The following STRN variants were observed in gnomAD, a reference collection of about 807,000 sequenced individuals.
STRN encodes protein phosphatase 2 regulatory subunit B'''alpha.
Under a neutral mutation model 96.3 loss-of-function variants are expected in STRN, and 53 were observed. That is an observed-to-expected ratio of 0.55 (90% CI 0.44 to 0.69). STRN has a LOEUF of 0.69. Among genes scored for constraint, STRN ranks in the 30% least tolerant of loss-of-function variants. STRN has a pLI of 0.00. For missense variants in STRN, 987 were observed against 963.9 expected, an observed-to-expected ratio of 1.02 and a Z score of -0.32; for synonymous variants, 428 against 355.9, an observed-to-expected ratio of 1.20 and a Z score of -2.28.
At chr2:36,886,177 T>C (rs1669221615) in intron 8 of STRN, among the ~76,000 whole-genome samples, 1 of 152,158 alleles carries the variant, frequency 6.6e-6, no homozygotes, top group South Asian at 2.1e-4. Context: ...AATGTTTAAA[T>C]AGAAAATAAA....
chr2:36,893,948 G>A lies in STRN; in HGVS notation c.881C>T (p.Ser294Leu). 6.2e-7 allele frequency: 1 copy of A among 1,613,512 alleles called. No homozygotes were observed. The highest frequency in any genetic ancestry group is 8.5e-7 in the Non-Finnish European group (1 of 1,179,808). ...TCTAGATTCATTGTCTCCTTCCTCT[G>A]ATGTAACCAAGAAGTCAAACTCCTT... ...ALKEFDFLVT[S>L]EEGDNESRSA... Residue 294 changes from serine (S) to leucine (L), a missense_variant, in exon 7 of 18, where the codon TCA becomes TTA. By Grantham distance (145) the Ser-to-Leu change is moderately radical. Transcript: ENST00000263918.
chr2:36,911,209 A>C (rs1203996607), intron 3 of STRN, among the ~76,000 whole-genome samples: 1 of 152,188 alleles, frequency 6.6e-6, no homozygotes, highest in Non-Finnish European at 1.5e-5. Context: ...ATCAATATGC[A>C]TGTAGGAGAT....
intron 1 of STRN, among the ~76,000 whole-genome samples, chr2:36,935,431 T>G (rs1354747682): frequency 6.6e-6 from 1 of 152,226 alleles, no homozygotes; most frequent in African/African-American, 2.4e-5. Context: ...ATGTATCACG[T>G]ACTCTACCAA....
At chr2:36,933,798 T>C (rs1484868116) in intron 1 of STRN, among the ~76,000 whole-genome samples, 1 of 152,076 alleles carries the variant, frequency 6.6e-6, no homozygotes, top group Non-Finnish European at 1.5e-5. Flanking sequence ...TAAAAGGCGA[T>C]GACTCTAAAC....
chr2:36,880,023 G>A (rs1054774275), intron 9 of STRN, among the ~76,000 whole-genome samples: 34 of 151,792 alleles, frequency 2.2e-4, no homozygotes, highest in African/African-American at 6.8e-4. Flanking sequence ...CTGGAGTGCA[G>A]TGGTGTGATC....
chr2:36,900,724 C>G (rs1461355762), intron 5 of STRN, among the ~76,000 whole-genome samples: 1 of 152,024 alleles, frequency 6.6e-6, no homozygotes, highest in Non-Finnish European at 1.5e-5. Context: ...GAAACTCCAT[C>G]TCTACTAAAA....
intron 4 of STRN, among the ~76,000 whole-genome samples, chr2:36,904,419 G>A (rs1430808791): frequency 2.0e-5 from 3 of 152,130 alleles, no homozygotes; most frequent in Non-Finnish European, 4.4e-5. Flanking sequence ...GAGTTTCAAA[G>A]GTGGTATTCA....
rs1044074504 is a variant in STRN, at chr2:36,877,751, G to C, written c.1323+140C>G. 101 of 862,394 alleles carry C rather than the reference G, an allele frequency of 1.2e-4. 1 individual carries two copies. The highest frequency in any genetic ancestry group is 1.6e-4 in the Non-Finnish European group (93 of 584,354). 53.4% of individuals were successfully genotyped at this position (862,394 alleles called of 1,614,324 possible). ...GCGTTTCTCAATGTTGGCCAGGCTGGTTTTGAACTCCTGACCTCAAGTGAT... is the reference window on the plus strand; with the variant it reads ...GCGTTTCTCAATGTTGGCCAGGCTGCTTTTGAACTCCTGACCTCAAGTGAT... On this transcript the variant is annotated intron_variant, in intron 10 of 17. Transcript: ENST00000263918.
intron 10 of STRN, among the ~76,000 whole-genome samples, chr2:36,875,965 T>C (rs1024676410): frequency 7.2e-6 from 1 of 138,232 alleles, no homozygotes; most frequent in Admixed American, 6.9e-5. Flanking sequence ...TTACAAATGA[T>C]TTTTTTTAAA....
At chr2:36,897,164 T>A (rs1315155397) in intron 6 of STRN, among the ~76,000 whole-genome samples, 1 of 150,674 alleles carries the variant, frequency 6.6e-6, no homozygotes, top group Non-Finnish European at 1.5e-5. Flanking sequence ...TGAAACTCCG[T>A]CTCAAAAAAA....
chr2:36,890,477 C>CTTTT (rs1163881782), intron 7 of STRN, among the ~76,000 whole-genome samples: 50 of 104,622 alleles, frequency 4.8e-4, no homozygotes, highest in African/African-American at 7.6e-4. Context: ...CACCAGAAAA[C>CTTTT]TTTTTTTTTT....
intron 1 of STRN, among the ~76,000 whole-genome samples, chr2:36,957,757 T>TG (rs1468205007): frequency 4.5e-5 from 5 of 111,816 alleles, no homozygotes; most frequent in African/African-American, 1.7e-4. Context: ...TTTTTTTTTT[T>TG]TTTTTTTTTT....
At chr2:36,892,544 G>C (rs923961471) in intron 7 of STRN, among the ~76,000 whole-genome samples, 1 of 152,086 alleles carries the variant, frequency 6.6e-6, no homozygotes, top group African/African-American at 2.4e-5. Context: ...ATAACAATTA[G>C]CTGCAAATTA....
intron 3 of STRN, among the ~76,000 whole-genome samples, chr2:36,909,157 C>CAAAA (rs78134786): frequency 1.3e-5 from 1 of 74,104 alleles, no homozygotes; most frequent in Non-Finnish European, 2.9e-5. Context: ...GACTTCATCT[C>CAAAA]AAAAAAAAAA....
At chr2:36,893,347 G>C in intron 7 of STRN, among the ~76,000 whole-genome samples, 1 of 151,890 alleles carries the variant, frequency 6.6e-6, no homozygotes. Context: ...ATTTTTACAG[G>C]AAAAATTAAA....
At position 36,954,522 on chromosome 2, in the gene STRN, A is replaced by G. The variant is rs866903938; in HGVS notation, c.234+11708T>C. On this transcript the variant is annotated intron_variant, in intron 1 of 17. Coordinates refer to ENST00000263918, the MANE Select transcript of STRN (RefSeq NM_003162.4). ...GTAAAGCCCTGTCTCAAACAGGGGA[A>G]AAAAAAAAAAAAAAAGAGCTCCAAA... 6.1e-3 allele frequency among the ~76,000 whole-genome samples: 867 copies of G among 142,282 alleles called. 4 individuals carry two copies. The highest frequency in any genetic ancestry group is 0.018 in the South Asian group (84 of 4,598). The allele number at this position is 142,282 out of a possible 152,430, so 93.3% of individuals were successfully genotyped here. A position where few individuals can be genotyped will look rare whatever the true frequency, so the allele number is the denominator to read the frequency against.
chr2:36,917,701 G>A (rs1367307572), intron 2 of STRN, among the ~76,000 whole-genome samples: 1 of 152,066 alleles, frequency 6.6e-6, no homozygotes. Context: ...GAAAACCTAT[G>A]AAAATTATAG....
intron 1 of STRN, among the ~76,000 whole-genome samples, 167 bp from the exon 2 acceptor site, chr2:36,925,375 A>G (rs757592693): frequency 1.8e-4 from 27 of 152,184 alleles, no homozygotes; most frequent in Non-Finnish European, 3.4e-4. Context: ...TGCAAGGGGG[A>G]AAAAGGATTT....
intron 2 of STRN, among the ~76,000 whole-genome samples, chr2:36,924,585 C>T (rs1670361107): frequency 6.6e-6 from 1 of 151,992 alleles, no homozygotes; most frequent in South Asian, 2.1e-4. Flanking sequence ...AAAAATGTTG[C>T]TAATTTTTAA....
Sources: allele counts gnomAD v4.1 joint callset (sites outside exome capture counted in the v4.1 genomes callset), GRCh38; gene constraint gnomAD v4.1.1; transcripts MANE v1.5; gene names NCBI Gene and HGNC (gene_info 2026-07-23, HGNC 2026-07-21).